The following SIDT1 variants were observed in gnomAD, a reference collection of about 807,000 sequenced individuals.
SIDT1 encodes SID1 transmembrane family, member 1.
In SIDT1, 101 loss-of-function variants were observed where a neutral mutation model predicts 107.5. The ratio of observed to expected loss-of-function variants is 0.94; its 90% CI spans 0.80 to 1.11. The LOEUF (loss-of-function observed/expected upper bound fraction) is 1.11. Ranked by LOEUF, SIDT1 falls within the 50% of genes least tolerant of loss-of-function variation. The pLI is 0.00. For missense variants in SIDT1, 1,076 were observed against 1,058.2 expected (o/e 1.02, Z -0.23); for synonymous variants, 395 against 398.2 (o/e 0.99, Z 0.10).
chr3:113,630,431 A>G (rs770054932), downstream of SIDT1, among the ~76,000 whole-genome samples: 5 of 152,152 alleles, frequency 3.3e-5, no homozygotes, highest in Non-Finnish European at 7.4e-5. Flanking sequence ...GGGACTTTCC[A>G]TGACTGAAGG....
chr3:113,587,956 G>T (rs1943862187), intron 9 of SIDT1, among the ~76,000 whole-genome samples: 1 of 152,184 alleles, frequency 6.6e-6, no homozygotes, highest in Non-Finnish European at 1.5e-5. Flanking sequence ...TTCCAGTTTT[G>T]CCTTGGATGA....
At chr3:113,635,302 C>A in the SIDT1 span, among the ~76,000 whole-genome samples, 1 of 152,264 alleles carries the variant, frequency 6.6e-6, no homozygotes, top group Middle Eastern at 3.4e-3. Flanking sequence ...TTGAAACCAG[C>A]CTGGACAACA....
At chr3:113,587,642 C>T (rs73855956) in intron 9 of SIDT1, among the ~76,000 whole-genome samples, 1 of 152,154 alleles carries the variant, frequency 6.6e-6, no homozygotes, top group Non-Finnish European at 1.5e-5. Flanking sequence ...GGCAGGCGCT[C>T]TAAGTAGATT....
rs538112781 is a variant in SIDT1 at position 113,564,857 on chromosome 3, G to A, written c.223-1563G>A. 3.3e-5 allele frequency among the ~76,000 whole-genome samples: 5 copies of A among 152,336 alleles called. No individual in the cohort carries two copies. The South Asian group carries it at 8.3e-4, about 25-fold the overall frequency. On this transcript the variant is annotated intron_variant, in intron 1 of 24. Coordinates refer to ENST00000264852, the MANE Select transcript of SIDT1 (RefSeq NM_017699.3). ...TAATTTCCATGGAAACATGTAGAGTGTAGGCACAAGAAAACTCTCCCTTCA... is the reference window on the plus strand; with the variant it reads ...TAATTTCCATGGAAACATGTAGAGTATAGGCACAAGAAAACTCTCCCTTCA...
intron 3 of SIDT1, among the ~76,000 whole-genome samples, chr3:113,574,693 C>T (rs138269381): frequency 6.6e-6 from 1 of 152,176 alleles, no homozygotes; most frequent in East Asian, 1.9e-4. Flanking sequence ...TCTGCACCCC[C>T]ATCTCTCAAG....
chr3:113,582,416 T>C (rs907922861), intron 6 of SIDT1, among the ~76,000 whole-genome samples: 21 of 152,224 alleles, frequency 1.4e-4, no homozygotes, highest in African/African-American at 5.1e-4. Context: ...TGTCAGGCTT[T>C]AATTTTCAAA....
intron 19 of SIDT1, among the ~76,000 whole-genome samples, chr3:113,612,708 A>G (rs1945841746): frequency 6.6e-6 from 1 of 152,238 alleles, no homozygotes; most frequent in Non-Finnish European, 1.5e-5. Flanking sequence ...ATCAGAGAGC[A>G]TTGAATGTTC....
At chr3:113,550,941 T>G (rs1240798311) in intron 1 of SIDT1, among the ~76,000 whole-genome samples, 2 of 152,114 alleles carry the variant, frequency 1.3e-5, no homozygotes, top group Non-Finnish European at 2.9e-5. Flanking sequence ...CAGGCCCCAA[T>G]GTGTGTTGCT....
intron 1 of SIDT1, among the ~76,000 whole-genome samples, chr3:113,552,790 T>A (rs1389406119): frequency 6.6e-6 from 1 of 152,212 alleles, no homozygotes; most frequent in African/African-American, 2.4e-5. Flanking sequence ...AATGGGCATA[T>A]CCATCTACCC....
chr3:113,539,920 C>T (rs566383870), intron 1 of SIDT1, among the ~76,000 whole-genome samples: 1 of 151,546 alleles, frequency 6.6e-6, no homozygotes, highest in African/African-American at 2.4e-5. Context: ...AGGAGACTCA[C>T]TTGAACCTGG....
At chr3:113,596,551 A>G (rs1000781394) in intron 10 of SIDT1, among the ~76,000 whole-genome samples, 7 of 152,308 alleles carry the variant, frequency 4.6e-5, no homozygotes, top group South Asian at 2.1e-4. Context: ...GGACTTTTTT[A>G]CTGTACTATG....
At chr3:113,623,561 T>A in intron 22 of SIDT1, 29 bp downstream of exon 22, 1 of 1,601,098 alleles carries the variant, frequency 6.2e-7, no homozygotes, top group Non-Finnish European at 8.6e-7. Context: ...AGCGGCTACC[T>A]CGGGCCCTCG....
chr3:113,588,955 T>C (rs1943943057), intron 9 of SIDT1: 1 of 152,228 alleles, frequency 6.6e-6, no homozygotes. Context: ...TGTGGTCCAC[T>C]GACAGATCAA....
At chr3:113,588,190 G>C (rs1289743147) in intron 9 of SIDT1, among the ~76,000 whole-genome samples, 1 of 152,090 alleles carries the variant, frequency 6.6e-6, no homozygotes, top group Non-Finnish European at 1.5e-5. Context: ...GTGGTATAAG[G>C]CTCTATGGAA....
Position 113,581,442 on chromosome 3 carries a change from C to A in SIDT1, c.745C>A (p.Gln249Lys). The change falls in exon 6 of 25, where the codon CAG becomes AAG. Residue 249 changes from glutamine to lysine, a missense_variant and splice_region_variant. By Grantham distance (53) the Gln-to-Lys change is moderately conservative (BLOSUM62 1). Transcript: ENST00000264852. ...SMTKKAAITL[Q>K]KKDFPGEQFF... ...GACCAAGAAAGCTGCCATCACGCTA[C>A]AGGTGAGGCATTGCTTCTGTGGGCA... 6.2e-7 allele frequency: 1 copy of A among 1,610,986 alleles called. No individual in the cohort carries two copies. The highest frequency in any genetic ancestry group is 8.5e-7 in the Non-Finnish European group (1 of 1,177,130).
In SIDT1 at chr3:113,593,059, TG is replaced by T; in HGVS notation, c.1045+12del. 6.2e-7 allele frequency: 1 copy of T among 1,610,560 alleles called. No individual in the cohort carries two copies. Among genetic ancestry groups the T allele is most frequent in the Admixed American group, 1.7e-5 (1 of 60,022 alleles). On this transcript the variant is annotated intron_variant, in intron 10 of 24. Coordinates refer to ENST00000264852, the MANE Select transcript of SIDT1 (RefSeq NM_017699.3). ...TTGGGTCCAATGATGGTAAGAGCAA[TG>T]CTTGGTTTCAATTCAAAATGGTGTC...
chr3:113,629,616 A>G (rs1947061842), downstream of SIDT1: 1 of 152,252 alleles, frequency 6.6e-6, no homozygotes, highest in Non-Finnish European at 1.5e-5. Flanking sequence ...TTAACGCACT[A>G]TGGTTTCTAA....
chr3:113,577,962 A>G (rs1383976684), intron 4 of SIDT1, among the ~76,000 whole-genome samples: 1 of 152,182 alleles, frequency 6.6e-6, no homozygotes, highest in East Asian at 1.9e-4. Flanking sequence ...CTAATGCACA[A>G]TCAGCTCTCC....
chr3:113,589,238 A>G (rs1051192530), intron 9 of SIDT1, among the ~76,000 whole-genome samples: 4 of 152,210 alleles, frequency 2.6e-5, no homozygotes, highest in African/African-American at 9.6e-5. Context: ...TTTGCAATCA[A>G]TCTAGCACAG....
Sources: allele counts gnomAD v4.1 joint callset (sites outside exome capture counted in the v4.1 genomes callset), GRCh38; gene constraint gnomAD v4.1.1; transcripts MANE v1.5; gene names NCBI Gene and HGNC (gene_info 2026-07-23, HGNC 2026-07-21).